TMEM132D: variants seen among roughly 807,000 people sequenced by gnomAD.
TMEM132D encodes transmembrane protein 132D, also known as mature OL transmembrane protein.
Under a neutral mutation model 62.3 loss-of-function variants are expected in TMEM132D, and 21 were observed. The ratio of observed to expected loss-of-function variants is 0.34; its 90% CI spans 0.24 to 0.49. The LOEUF is 0.49. Among genes scored for constraint, TMEM132D ranks in the 20% least tolerant of loss-of-function variants. The pLI is 0.99. For missense variants in TMEM132D, 1,346 were observed against 1,402.8 expected, an observed-to-expected ratio of 0.96 and a Z score of 0.65; for synonymous variants, 621 against 575.6, an observed-to-expected ratio of 1.08 and a Z score of -1.13.
At chr12:129,895,577 A>G (rs750276997) in intron 1 of TMEM132D, among the ~76,000 whole-genome samples, 1 of 152,254 alleles carries the variant, frequency 6.6e-6, no homozygotes, top group Non-Finnish European at 1.5e-5. Flanking sequence ...GGCTGCCAGG[A>G]AAAGATTCTG....
chr12:129,822,184 T>C (rs1872556934), intron 1 of TMEM132D, among the ~76,000 whole-genome samples: 1 of 151,850 alleles, frequency 6.6e-6, no homozygotes, highest in African/African-American at 2.4e-5. Flanking sequence ...AGGGGCACCG[T>C]CTCTGAGGAT....
At chr12:129,101,663 C>T (rs951971911) in intron 5 of TMEM132D, among the ~76,000 whole-genome samples, 4 of 152,130 alleles carry the variant, frequency 2.6e-5, no homozygotes, top group African/African-American at 4.8e-5. Flanking sequence ...GGCTTTCTGG[C>T]GGAGGCTTTC....
chr12:129,519,314 C>A (rs757804630), intron 3 of TMEM132D, among the ~76,000 whole-genome samples: 1 of 152,128 alleles, frequency 6.6e-6, no homozygotes, highest in Non-Finnish European at 1.5e-5. Flanking sequence ...TCTTCATAGT[C>A]TATTGGATTT....
chr12:129,544,794 T>C lies in TMEM132D; in HGVS notation c.969-13589A>G, dbSNP rs149404511. Among the ~76,000 whole-genome samples, 387 of 152,312 alleles carry C rather than the reference T, an allele frequency of 2.5e-3. 2 individuals are homozygous for C. The highest frequency in any genetic ancestry group is 9.0e-3 in the African/African-American group (374 of 41,564). On this transcript the variant is annotated intron_variant, in intron 2 of 8. Coordinates refer to ENST00000422113, the MANE Select transcript of TMEM132D (RefSeq NM_133448.3). ...GTGCTACCAGACTTTGGGACAACAT[T>C]CCTCCTAGAGATTAAAAGTAACACT...
chr12:129,452,549 T>A (rs1566073387), intron 3 of TMEM132D, among the ~76,000 whole-genome samples: 2 of 152,200 alleles, frequency 1.3e-5, no homozygotes, highest in Admixed American at 1.3e-4. Context: ...AATGTACAGG[T>A]AAATTAAGGG....
intron 1 of TMEM132D, among the ~76,000 whole-genome samples, chr12:129,851,726 G>T (rs764381346): frequency 6.6e-6 from 1 of 152,134 alleles, no homozygotes. Context: ...CAAGGGAGAC[G>T]CCTGCAACAC....
At chr12:129,158,117 G>A (rs116664786) in intron 5 of TMEM132D, among the ~76,000 whole-genome samples, 4,944 of 152,276 alleles carry the variant, frequency 0.032, 282 homozygotes, top group African/African-American at 0.11. Context: ...AGACCAAAAA[G>A]TTACGTAGGG....
chr12:129,420,316 T>TTTTG (rs1872273429), intron 3 of TMEM132D, among the ~76,000 whole-genome samples: 4 of 59,126 alleles, frequency 6.8e-5, no homozygotes, highest in African/African-American at 2.0e-4. Flanking sequence ...GTTTTTTTTT[T>TTTTG]TTTTTTTTTT....
chr12:129,676,380 T>A (rs1329950837), intron 2 of TMEM132D, among the ~76,000 whole-genome samples: 1 of 152,194 alleles, frequency 6.6e-6, no homozygotes, highest in East Asian at 1.9e-4. Context: ...CTATCATCTA[T>A]CCATCTGTCT....
intron 3 of TMEM132D, among the ~76,000 whole-genome samples, chr12:129,504,326 ATTC>A (rs1202836587): frequency 3.3e-5 from 5 of 152,184 alleles, no homozygotes; most frequent in African/African-American, 1.2e-4. Flanking sequence ...ATTGATACCA[ATTC>A]TTCTTTGAAT....
chr12:129,424,776 TGAG>T (rs1030164057), intron 3 of TMEM132D, among the ~76,000 whole-genome samples: 3 of 151,810 alleles, frequency 2.0e-5, no homozygotes, highest in African/African-American at 7.3e-5. Context: ...TGAATCTGTT[TGAG>T]GATTATAAAA....
chr12:129,684,522 G>T (rs1038784953), intron 2 of TMEM132D, among the ~76,000 whole-genome samples: 4 of 151,826 alleles, frequency 2.6e-5, no homozygotes, highest in African/African-American at 9.7e-5. Flanking sequence ...TGTGAGAATG[G>T]ACTAATAGAA....
At chr12:129,171,527 C>T (rs74467323) in intron 5 of TMEM132D, among the ~76,000 whole-genome samples, 1,977 of 152,346 alleles carry the variant, frequency 0.013, 54 homozygotes, top group East Asian at 0.11. Context: ...TCAGGCCCAT[C>T]AGAGGAATCA....
At chr12:129,676,034 G>A (rs534303918) in intron 2 of TMEM132D, among the ~76,000 whole-genome samples, 1 of 152,182 alleles carries the variant, frequency 6.6e-6, no homozygotes, top group Non-Finnish European at 1.5e-5. Context: ...CAGACACTTA[G>A]TGTGTGCTAT....
chr12:129,525,744 C>T (rs184564600), intron 3 of TMEM132D, among the ~76,000 whole-genome samples: 354 of 152,296 alleles, frequency 2.3e-3, no homozygotes, highest in Non-Finnish European at 3.1e-3. Context: ...CGACGCACAG[C>T]ATAAAAATGA....
At chr12:129,531,545 A>C (rs1208129736) in intron 2 of TMEM132D, among the ~76,000 whole-genome samples, 1 of 152,250 alleles carries the variant, frequency 6.6e-6, no homozygotes, top group Non-Finnish European at 1.5e-5. Context: ...AGCCTGGCCA[A>C]ACTCAATAGA....
At chr12:129,610,803 A>C (rs1049011326) in intron 2 of TMEM132D, among the ~76,000 whole-genome samples, 1 of 152,202 alleles carries the variant, frequency 6.6e-6, no homozygotes, top group Non-Finnish European at 1.5e-5. Flanking sequence ...ACTTGTTCCT[A>C]GGACATATTA....
intron 3 of TMEM132D, among the ~76,000 whole-genome samples, chr12:129,374,273 G>GAA (rs1045868656): frequency 1.3e-5 from 2 of 151,518 alleles, no homozygotes; most frequent in Non-Finnish European, 2.9e-5. Flanking sequence ...ACACATCAGA[G>GAA]AGAGAGAGAG....
intron 8 of TMEM132D, among the ~76,000 whole-genome samples, chr12:129,076,013 C>T (rs772771676): frequency 1.3e-5 from 2 of 151,918 alleles, no homozygotes; most frequent in African/African-American, 2.4e-5. Flanking sequence ...CGCTGGGCCA[C>T]AGCAACAGCT....
Sources: allele counts gnomAD v4.1 joint callset (sites outside exome capture counted in the v4.1 genomes callset), GRCh38; gene constraint gnomAD v4.1.1; transcripts MANE v1.5; gene names NCBI Gene and HGNC (gene_info 2026-07-23, HGNC 2026-07-21).